Variants in ENTPD6 observed in about 807,000 individuals in gnomAD.
ENTPD6 encodes the protein CD39 antigen-like 2.
Under a neutral mutation model 61.5 loss-of-function variants are expected in ENTPD6, and 46 were observed. That is an observed-to-expected ratio of 0.75 (90% confidence interval 0.59 to 0.96). The LOEUF is 0.96. ENTPD6 is among the 40% of genes least tolerant of loss of function. The pLI is 0.00. For missense variants in ENTPD6, 612 were observed against 629.0 expected, an observed-to-expected ratio of 0.97 and a Z score of 0.29; for synonymous variants, 252 against 255.5, an observed-to-expected ratio of 0.99 and a Z score of 0.13.
chr20:25,215,754 C>T (rs751039294), intron 7 of ENTPD6, 43 bp downstream of exon 7: 8 of 1,603,830 alleles, frequency 5.0e-6, no homozygotes, highest in Non-Finnish European at 6.0e-6. Flanking sequence ...ATCACAGACA[C>T]CTGCGGAGGG....
At chr20:25,218,442 C>A in intron 9 of ENTPD6, 108 bp from the exon 10 acceptor site, 1 of 977,750 alleles carries the variant, frequency 1.0e-6, no homozygotes, top group Non-Finnish European at 1.6e-6. Context: ...TCACTAACTG[C>A]CTTGCTGCAA....
At chr20:25,221,159 G>T in intron 10 of ENTPD6, 73 bp from the exon 11 acceptor site, 1 of 1,231,986 alleles carries the variant, frequency 8.1e-7, no homozygotes, top group South Asian at 1.4e-5. Context: ...GGGCCTCCGC[G>T]ACTCCTAGCT....
In ENTPD6 at chr20:25,225,210, C is replaced by G. The variant is rs142071100; in HGVS notation, c.1249C>G (p.Arg417Gly). The G allele has an allele frequency of 5.0e-6, 8 of 1,612,184 alleles. No individual in the cohort carries two copies. The South Asian group carries it at 5.5e-5, about 11-fold the overall frequency. Residue 417 changes from arginine to glycine, a missense_variant, in exon 14 of 15, where the codon CGG becomes GGG. Physicochemically the swap from Arg to Gly is moderately radical, Grantham distance 125 (BLOSUM62 -2). Coordinates refer to ENST00000376652, the MANE Select transcript of ENTPD6 (RefSeq NM_001247.5). ...GGGACGTGTCTCATCCCCAGTGTGT[C>G]GGACCCTGGAGACACAGCCGCAGAG... is the stretch of plus-strand genomic sequence containing the variant. ...DFEIAAKYVC[R>G]TLETQPQSSP...
chr20:25,212,446 T>C lies in ENTPD6; in HGVS notation c.454-817T>C, dbSNP rs555570417. ...CTGCAGTAGAACAGCAGGCTTATTC[T>C]CCTGACCTGTCCTCCCCCTGCCATG... is the stretch of plus-strand genomic sequence containing the variant. On this transcript the variant is annotated intron_variant, in intron 4 of 14. Coordinates refer to ENST00000376652, the MANE Select transcript of ENTPD6 (RefSeq NM_001247.5). Among the ~76,000 whole-genome samples, 4 of 152,302 alleles carry C rather than the reference T, an allele frequency of 2.6e-5. No individual in the cohort carries two copies. The South Asian group carries it at 8.3e-4, about 32-fold the overall frequency.
At chr20:25,196,533 C>T (rs1467649017) in intron 1 of ENTPD6, among the ~76,000 whole-genome samples, 3 of 152,162 alleles carry the variant, frequency 2.0e-5, no homozygotes, top group African/African-American at 7.2e-5. Flanking sequence ...TATAAGTGCA[C>T]CTGTAAGTGC....
chr20:25,222,708 A>T, intron 11 of ENTPD6, 130 bp from the exon 12 acceptor site: 1 of 1,282,024 alleles, frequency 7.8e-7, no homozygotes, highest in South Asian at 1.4e-5. Context: ...GTGGGGTCTT[A>T]CAGGCTTCTG....
intron 5 of ENTPD6, 139 bp from the exon 6 acceptor site, chr20:25,214,728 T>C: frequency 1.6e-6 from 1 of 639,924 alleles, no homozygotes; most frequent in Non-Finnish European, 2.8e-6. Flanking sequence ...TATTTACAAC[T>C]AATTGATCAC....
intron 12 of ENTPD6, 55 bp downstream of exon 12, chr20:25,223,033 T>C: frequency 1.6e-6 from 1 of 632,708 alleles, no homozygotes; most frequent in Non-Finnish European, 2.6e-6. Context: ...GGGGCGGGGG[T>C]GGAGGGCGTG....
intron 12 of ENTPD6, among the ~76,000 whole-genome samples, chr20:25,223,278 C>T (rs2092698420): frequency 6.6e-6 from 1 of 152,220 alleles, no homozygotes; most frequent in Non-Finnish European, 1.5e-5. Flanking sequence ...CTCTGCCCTA[C>T]CCTGCAGCCC....
intron 3 of ENTPD6, among the ~76,000 whole-genome samples, chr20:25,208,979 C>T (rs904163280): frequency 1.3e-5 from 2 of 152,008 alleles, no homozygotes; most frequent in South Asian, 4.1e-4. Context: ...TACAGTGGTG[C>T]GATCTTGGCT....
chr20:25,216,457 A>G (rs946176935), intron 7 of ENTPD6, among the ~76,000 whole-genome samples, 191 bp from the exon 8 acceptor site: 5 of 152,188 alleles, frequency 3.3e-5, no homozygotes, highest in African/African-American at 1.2e-4. Flanking sequence ...GATCCAAATT[A>G]AACCACAGCT....
At position 25,221,345 on chromosome 20, in the gene ENTPD6, G is replaced by A. The variant is rs1418273477; in HGVS notation, c.1045+12G>A. ...AGGGCAGAAAGCAGGTACGGGGAGG[G>A]TTGCTGCCTGTTGGTTTCTGCGGGT... is the stretch of plus-strand genomic sequence containing the variant. On this transcript the variant is annotated intron_variant, in intron 11 of 14. Coordinates refer to ENST00000376652, the MANE Select transcript of ENTPD6 (RefSeq NM_001247.5). 6.2e-7 allele frequency: 1 copy of A among 1,603,974 alleles called. No individual in the cohort carries two copies. The highest frequency in any genetic ancestry group is 1.3e-5 in the African/African-American group (1 of 74,678).
At chr20:25,216,935 C>T (rs539968403) in intron 8 of ENTPD6, among the ~76,000 whole-genome samples, 199 bp downstream of exon 8, 1 of 152,216 alleles carries the variant, frequency 6.6e-6, no homozygotes, top group East Asian at 1.9e-4. Flanking sequence ...GTTTTAATTC[C>T]ACCAGGAAAA....
In ENTPD6 at chr20:25,197,577, C is replaced by T. The variant is rs185677692; in HGVS notation, c.-16+1710C>T. Among the ~76,000 whole-genome samples, 385 of 152,332 alleles carry T rather than the reference C, an allele frequency of 2.5e-3. 1 individual carries two copies. The highest frequency in any genetic ancestry group is 4.2e-3 in the Non-Finnish European group (285 of 68,020). Reference sequence around the variant, plus strand: ...TCCCACAGAAACCCCATTTCCTCTCCGGCAGGTGTCTCAGCCATGGGCAAA... The same window carrying T: ...TCCCACAGAAACCCCATTTCCTCTCTGGCAGGTGTCTCAGCCATGGGCAAA... On this transcript the variant is annotated intron_variant, in intron 1 of 14. Transcript: ENST00000376652.
rs767075992 is a variant in ENTPD6 at position 25,216,731 on chromosome 20, G to A, written c.793G>A (p.Val265Met). 12 of 1,593,422 alleles carry A rather than the reference G, an allele frequency of 7.5e-6. No individual in the cohort carries two copies. The highest frequency in any genetic ancestry group is 4.5e-5 in the East Asian group (2 of 44,096). ...GSTQIAFLPR[V>M]EGTLQASPPG... is the part of the protein sequence containing the mutation. ...CACTCAGATCGCCTTCCTGCCACGC[G>A]TGGAGGTAACAAGCCCTGCCGACCA... Residue 265 changes from valine (V) to methionine (M), a missense_variant, in exon 8 of 15, where the codon GTG (valine) becomes ATG (methionine). Physicochemically the swap from Val to Met is conservative, Grantham distance 21. Coordinates refer to ENST00000376652, the MANE Select transcript of ENTPD6 (RefSeq NM_001247.5).
At chr20:25,217,287 G>C (rs1792991616) in intron 8 of ENTPD6, among the ~76,000 whole-genome samples, 1 of 152,162 alleles carries the variant, frequency 6.6e-6, no homozygotes, top group Admixed American at 6.5e-5. Flanking sequence ...GTGTTTGTCA[G>C]CATGGGAGAG....
intron 12 of ENTPD6, 129 bp from the exon 13 acceptor site, chr20:25,223,972 A>C: frequency 1.0e-5 from 8 of 766,708 alleles, no homozygotes; most frequent in South Asian, 1.8e-5. Flanking sequence ...CTACAGCTGG[A>C]GGGCCTGCCT....
chr20:25,200,969 C>T (rs1021518048), intron 1 of ENTPD6, among the ~76,000 whole-genome samples: 1 of 152,160 alleles, frequency 6.6e-6, no homozygotes. Flanking sequence ...CCTATTGGCA[C>T]TGTTTTTGCT....
intron 4 of ENTPD6, among the ~76,000 whole-genome samples, 167 bp downstream of exon 4, chr20:25,210,092 C>T (rs753561152): frequency 2.2e-4 from 34 of 152,340 alleles, no homozygotes; most frequent in South Asian, 2.1e-4. Flanking sequence ...GTGTGCAGCG[C>T]GCGAGCCCAG....
Sources: gnomAD v4.1 joint callset for allele counts (sites outside exome capture counted in the v4.1 genomes callset) on GRCh38, gnomAD v4.1.1 for gene constraint, MANE v1.5 for transcripts, NCBI Gene and HGNC (gene_info 2026-07-23, HGNC 2026-07-21) for gene names.